Variants in HS6ST3 observed in about 807,000 individuals in gnomAD.
The protein encoded by HS6ST3 is heparan sulfate 6-O-sulfotransferase 3, also known as heparan-sulfate 6-O-sulfotransferase 3.
Under a neutral mutation model 36.7 loss-of-function variants are expected in HS6ST3, and 12 were observed. That is an observed-to-expected ratio of 0.33 (90% CI 0.21 to 0.53). HS6ST3 has a LOEUF of 0.53. HS6ST3 is among the 20% of genes least tolerant of loss of function. HS6ST3 has a pLI of 0.95. For missense variants in HS6ST3, 584 were observed against 640.9 expected (o/e 0.91, Z 0.96); for synonymous variants, 240 against 257.5 (o/e 0.93, Z 0.65).
Position 96,268,829 on chromosome 13 carries a change from A to G in HS6ST3, c.707+177260A>G, listed in dbSNP as rs555651072. On this transcript the variant is annotated intron_variant, in intron 1 of 1. Coordinates refer to ENST00000376705, the MANE Select transcript of HS6ST3 (RefSeq NM_153456.4). The stretch of plus-strand genomic sequence containing the variant: ...ATAAAAAATTTGAAGACACACGCAC[A>G]CACATACACACACACACTTTGAAAA... Among the ~76,000 whole-genome samples the G allele has an allele frequency of 3.5e-4, 53 of 152,120 alleles. 1 individual carries two copies. The highest frequency in any genetic ancestry group is 1.2e-3 in the African/African-American group (50 of 41,398).
intron 1 of HS6ST3, among the ~76,000 whole-genome samples, chr13:96,174,021 G>T (rs1247912119): frequency 6.6e-6 from 1 of 151,416 alleles, no homozygotes; most frequent in Non-Finnish European, 1.5e-5. Flanking sequence ...TACTACTTTT[G>T]GAAGGCTTTT....
intron 1 of HS6ST3, among the ~76,000 whole-genome samples, chr13:96,641,459 A>C (rs2056569937): frequency 6.6e-6 from 1 of 151,874 alleles, no homozygotes; most frequent in South Asian, 2.1e-4. Flanking sequence ...ATCATCCATG[A>C]AGAAATCTCT....
chr13:96,290,694 A>T (rs1187326978), intron 1 of HS6ST3, among the ~76,000 whole-genome samples: 1 of 152,066 alleles, frequency 6.6e-6, no homozygotes, highest in Non-Finnish European at 1.5e-5. Flanking sequence ...GAGTAATCTC[A>T]TTAAAATGGA....
At chr13:96,751,597 C>T (rs1387373547) in intron 1 of HS6ST3, among the ~76,000 whole-genome samples, 1 of 152,032 alleles carries the variant, frequency 6.6e-6, no homozygotes, top group Non-Finnish European at 1.5e-5. Context: ...TATAGACAGA[C>T]AGGAATTTAT....
chr13:96,670,639 G>T (rs948489832), intron 1 of HS6ST3, among the ~76,000 whole-genome samples: 1 of 152,124 alleles, frequency 6.6e-6, no homozygotes, highest in African/African-American at 2.4e-5. Context: ...TGGAAGTCAG[G>T]TTGTATGAGT....
intron 1 of HS6ST3, among the ~76,000 whole-genome samples, chr13:96,553,619 G>T (rs945236197): frequency 4.3e-4 from 65 of 152,218 alleles, no homozygotes; most frequent in African/African-American, 1.4e-3. Context: ...AGGACAAGGA[G>T]ACAAGGTTGG....
chr13:96,308,419 A>G (rs2054924343), intron 1 of HS6ST3, among the ~76,000 whole-genome samples: 3 of 152,128 alleles, frequency 2.0e-5, no homozygotes, highest in Admixed American at 2.0e-4. Context: ...AGGCAACCCA[A>G]TATCCAAAAT....
intron 1 of HS6ST3, among the ~76,000 whole-genome samples, chr13:96,423,950 A>G (rs151085291): frequency 1.3e-5 from 2 of 152,190 alleles, no homozygotes; most frequent in African/African-American, 4.8e-5. Context: ...CAACAATCCA[A>G]ATTATCCACA....
At chr13:96,093,656 TC>T (rs1162937430) in intron 1 of HS6ST3, among the ~76,000 whole-genome samples, 1 of 151,996 alleles carries the variant, frequency 6.6e-6, no homozygotes, top group Non-Finnish European at 1.5e-5. Context: ...CCTCTCTCTC[TC>T]CCCAGTAATT....
chr13:96,696,705 CA>C (rs1566432069), intron 1 of HS6ST3, among the ~76,000 whole-genome samples: 2 of 152,024 alleles, frequency 1.3e-5, no homozygotes, highest in African/African-American at 4.8e-5. Flanking sequence ...TATACTTGAG[CA>C]AAAACATGGA....
In HS6ST3 at chr13:96,835,329, A is replaced by G. The variant is rs1050950758; in HGVS notation, c.*2131A>G. 1 of 152,318 alleles carries G rather than the reference A, an allele frequency of 6.6e-6. No homozygotes were observed. Among genetic ancestry groups the G allele is most frequent in the Non-Finnish European group, 1.5e-5 (1 of 68,140 alleles). 9.4% of individuals were successfully genotyped at this position (152,318 alleles called of 1,614,324 possible). A position where few individuals can be genotyped will look rare whatever the true frequency, so the allele number is the denominator to read the frequency against. ...TGAGCCATCAATGAGCTGAGAGATC[A>G]ATGACTTTTTAGGCAGCTGTGTTTT... On this transcript the variant is annotated 3_prime_UTR_variant, in exon 2 of 2. Transcript: ENST00000376705.
chr13:96,587,167 A>G (rs757677351), intron 1 of HS6ST3, among the ~76,000 whole-genome samples: 2 of 152,096 alleles, frequency 1.3e-5, no homozygotes, highest in Non-Finnish European at 2.9e-5. Flanking sequence ...TTTTATGCCA[A>G]TACCATGCCG....
intron 1 of HS6ST3, among the ~76,000 whole-genome samples, chr13:96,612,901 C>T (rs911695876): frequency 4.6e-5 from 7 of 152,130 alleles, no homozygotes; most frequent in Middle Eastern, 3.2e-3. Flanking sequence ...TTCATGGGGG[C>T]GAGTCAGTCT....
intron 1 of HS6ST3, among the ~76,000 whole-genome samples, chr13:96,360,677 G>A (rs2055233713): frequency 6.6e-6 from 1 of 150,602 alleles, no homozygotes; most frequent in Admixed American, 6.6e-5. Context: ...CCGGTGCAGT[G>A]GCTCAACGCC....
intron 1 of HS6ST3, among the ~76,000 whole-genome samples, chr13:96,620,773 T>A (rs1207244176): frequency 7.2e-5 from 11 of 151,794 alleles, no homozygotes. Flanking sequence ...AATGCTTCAG[T>A]GATCTTTAAC....
chr13:96,368,271 G>C (rs2055273197), intron 1 of HS6ST3, among the ~76,000 whole-genome samples: 1 of 152,188 alleles, frequency 6.6e-6, no homozygotes, highest in Admixed American at 6.5e-5. Flanking sequence ...TATTTGGATT[G>C]AAGATAGGGT....
intron 1 of HS6ST3, among the ~76,000 whole-genome samples, chr13:96,517,501 T>C (rs956589201): frequency 6.6e-6 from 1 of 152,166 alleles, no homozygotes; most frequent in Non-Finnish European, 1.5e-5. Flanking sequence ...ATCTACCACA[T>C]TGGTCTTTTA....
At chr13:96,317,340 AT>A (rs1466409049) in intron 1 of HS6ST3, among the ~76,000 whole-genome samples, 3 of 23,138 alleles carry the variant, frequency 1.3e-4, no homozygotes, top group Non-Finnish European at 2.4e-4. Context: ...ATATATATAT[AT>A]ATATATATAT....
At chr13:96,240,006 T>C (rs1415931569) in intron 1 of HS6ST3, among the ~76,000 whole-genome samples, 1 of 152,212 alleles carries the variant, frequency 6.6e-6, no homozygotes, top group Non-Finnish European at 1.5e-5. Context: ...TCATTGGAAA[T>C]GAAACACTAA....
Sources: allele counts gnomAD v4.1 joint callset (sites outside exome capture counted in the v4.1 genomes callset), GRCh38; gene constraint gnomAD v4.1.1; transcripts MANE v1.5; gene names NCBI Gene and HGNC (gene_info 2026-07-23, HGNC 2026-07-21).